MPPED1: variants seen among roughly 807,000 people sequenced by gnomAD.
MPPED1 encodes metallophosphoesterase domain containing 1.
Under a neutral mutation model 36.2 loss-of-function variants are expected in MPPED1, and 16 were observed. The ratio of observed to expected loss-of-function variants is 0.44; its 90% CI spans 0.30 to 0.67. The LOEUF (loss-of-function observed/expected upper bound fraction) is 0.67, where lower values mean the gene tolerates loss of function less well. Ranked by LOEUF, MPPED1 falls within the 30% of genes least tolerant of loss-of-function variation. MPPED1 has a pLI of 0.10. For missense variants in MPPED1, 307 were observed against 453.4 expected (o/e 0.68, Z 2.93); for synonymous variants, 199 against 191.3 (o/e 1.04, Z -0.33).
In MPPED1 at chr22:43,425,215, T is replaced by G. The variant is rs1601947605; in HGVS notation, c.224+6T>G. 1.5e-5 allele frequency: 16 copies of G among 1,064,190 alleles called. No homozygotes were observed. Among genetic ancestry groups the G allele is most frequent in the African/African-American group, 5.1e-5 (3 of 58,412 alleles). The allele number at this position is 1,064,190 out of a possible 1,614,324, so 65.9% of individuals were successfully genotyped here. A position where few individuals can be genotyped will look rare whatever the true frequency, so the allele number is the denominator to read the frequency against. ...CAGCCACCGCATGTGCAGATGTAAG[T>G]GGGACCGGTGGGGTGGGGGTGGGGG... On this transcript the variant is annotated splice_donor_region_variant and intron_variant, in intron 2 of 6. Coordinates refer to ENST00000443721, the MANE Select transcript of MPPED1 (RefSeq NM_001044370.2).
Position 43,498,365 on chromosome 22 carries a change from G to T in MPPED1, c.748+15G>T. 2.0e-6 allele frequency: 3 copies of T among 1,528,858 alleles called. No individual in the cohort carries two copies. Among genetic ancestry groups the T allele is most frequent in the African/African-American group, 2.7e-5 (2 of 72,974 alleles). The allele number at this position is 1,528,858 out of a possible 1,614,324, so 94.7% of individuals were successfully genotyped here. The stretch of plus-strand genomic sequence containing the variant: ...ACCACCACTGGGTAAGGCTCTGCTG[G>T]CCTGGCCCTCCAGCTCGCCCATCTG... On this transcript the variant is annotated intron_variant, in intron 5 of 6. Transcript: ENST00000443721.
chr22:43,440,724 A>G (rs1185369682), intron 3 of MPPED1, among the ~76,000 whole-genome samples: 1 of 151,616 alleles, frequency 6.6e-6, no homozygotes, highest in East Asian at 1.9e-4. Flanking sequence ...CACAGCCCTC[A>G]CTTCACCCCT....
At chr22:43,499,942 T>TGATGGG (rs1932605200) in intron 5 of MPPED1, among the ~76,000 whole-genome samples, 1 of 110,550 alleles carries the variant, frequency 9.0e-6, no homozygotes, top group Non-Finnish European at 1.8e-5. Flanking sequence ...GTGGAGGTGG[T>TGATGGG]GGTGGTGGTG....
intron 3 of MPPED1, among the ~76,000 whole-genome samples, chr22:43,437,593 T>G (rs571828594): frequency 6.6e-6 from 1 of 152,148 alleles, no homozygotes; most frequent in East Asian, 1.9e-4. Flanking sequence ...GAAGTAAGGG[T>G]GTAGGCGATG....
At chr22:43,476,492 G>A (rs943078203) in intron 4 of MPPED1, among the ~76,000 whole-genome samples, 1 of 152,168 alleles carries the variant, frequency 6.6e-6, no homozygotes, top group Non-Finnish European at 1.5e-5. Flanking sequence ...CTGGGTGGAA[G>A]GACTTCAGAG....
chr22:43,501,054 G>A (rs979740962), intron 5 of MPPED1, among the ~76,000 whole-genome samples: 2 of 152,118 alleles, frequency 1.3e-5, no homozygotes, highest in Admixed American at 1.3e-4. Context: ...CAGCCAGTGC[G>A]CCACGGCCCC....
chr22:43,413,330 G>A (rs1928971010), intron 1 of MPPED1, among the ~76,000 whole-genome samples: 2 of 152,142 alleles, frequency 1.3e-5, no homozygotes, highest in South Asian at 4.2e-4. Flanking sequence ...GCCGGGGGGC[G>A]GGGGCGGGTC....
chr22:43,497,935 G>GTATGTATATATATATATATA lies in MPPED1; in HGVS notation c.633-297_633-296insGTATATATATATATATATAT, dbSNP rs1932480800. Among the ~76,000 whole-genome samples the GTATGTATATATATATATATA allele has an allele frequency of 3.9e-5, 5 of 128,364 alleles. No individual in the cohort carries two copies. In the South Asian group the frequency reaches 9.5e-4, roughly 24 times the overall value. 84.2% of individuals were successfully genotyped at this position (128,364 alleles called of 152,430 possible). A position where few individuals can be genotyped will look rare whatever the true frequency, so the allele number is the denominator to read the frequency against. On this transcript the variant is annotated intron_variant, in intron 4 of 6. Transcript: ENST00000443721. ...AAGAAGCTGATATATATATGTATAT[G>GTATGTATATATATATATATA]TATATATATATATGTATTTAGCTTT... is the stretch of plus-strand genomic sequence containing the variant.
chr22:43,500,801 A>G (rs1346902892), intron 5 of MPPED1, among the ~76,000 whole-genome samples: 1 of 152,010 alleles, frequency 6.6e-6, no homozygotes, highest in Non-Finnish European at 1.5e-5. Context: ...CGTGGGACAC[A>G]TTCGGGGGTG....
intron 4 of MPPED1, among the ~76,000 whole-genome samples, chr22:43,484,599 G>A (rs1931852050): frequency 6.6e-6 from 1 of 152,220 alleles, no homozygotes; most frequent in Non-Finnish European, 1.5e-5. Flanking sequence ...ACAGGGCCCT[G>A]GATGGTGAAA....
intron 2 of MPPED1, among the ~76,000 whole-genome samples, chr22:43,428,617 C>G (rs1046104226): frequency 6.6e-6 from 1 of 152,134 alleles, no homozygotes; most frequent in Non-Finnish European, 1.5e-5. Context: ...AGCGATGGAG[C>G]CTTATTTAAT....
intron 2 of MPPED1, among the ~76,000 whole-genome samples, chr22:43,432,892 A>AGG (rs1929805369): frequency 1.4e-5 from 1 of 73,696 alleles, no homozygotes. Context: ...AGAGAAAGGG[A>AGG]GGAGAGAGAG....
intron 3 of MPPED1, among the ~76,000 whole-genome samples, chr22:43,439,017 T>C (rs1930058050): frequency 6.6e-6 from 1 of 152,214 alleles, no homozygotes; most frequent in South Asian, 2.1e-4. Flanking sequence ...GGGAGCCACC[T>C]CCAGACAGAC....
intron 3 of MPPED1, among the ~76,000 whole-genome samples, chr22:43,460,925 G>A (rs1930936283): frequency 6.6e-6 from 1 of 152,174 alleles, no homozygotes; most frequent in African/African-American, 2.4e-5. Context: ...TTCATTTTAA[G>A]TTTCTTGGTT....
chr22:43,418,316 T>A (rs540574752), intron 1 of MPPED1: 20 of 356,966 alleles, frequency 5.6e-5, no homozygotes, highest in Non-Finnish European at 9.5e-5. Context: ...ATGCTTCAAG[T>A]CACACGGTGA....
intron 4 of MPPED1, among the ~76,000 whole-genome samples, chr22:43,476,852 C>T (rs550042571): frequency 2.0e-5 from 3 of 152,144 alleles, no homozygotes; most frequent in South Asian, 4.2e-4. Flanking sequence ...TCTGCCTCAC[C>T]GGCCACTAGA....
rs1002140728 is a variant in MPPED1 at position 43,457,497 on chromosome 22, T to A, written c.407-17239T>A. Among the ~76,000 whole-genome samples, 3 of 152,158 alleles carry A rather than the reference T, an allele frequency of 2.0e-5. No homozygotes were observed. The East Asian group carries it at 5.8e-4, about 29-fold the overall frequency. On this transcript the variant is annotated intron_variant, in intron 3 of 6. Transcript: ENST00000443721. Reference sequence around the variant, plus strand: ...TTCTTTTGACTGTACTGTTTAAGCATGTTATGTTTAATATAACTACTGACA... The same window carrying A: ...TTCTTTTGACTGTACTGTTTAAGCAAGTTATGTTTAATATAACTACTGACA...
Position 43,437,810 on chromosome 22 carries a change from G to A in MPPED1, c.406+2595G>A, listed in dbSNP as rs371658675. ...GTTATGATTGCCCCCATGAACTGGC[G>A]TCTACCAGATCTGGGCTCCCCTGGG... On this transcript the variant is annotated intron_variant, in intron 3 of 6. Transcript: ENST00000443721. Among the ~76,000 whole-genome samples, 19 of 152,264 alleles carry A rather than the reference G, an allele frequency of 1.2e-4. No homozygotes were observed. In the East Asian group the frequency reaches 1.7e-3, roughly 14 times the overall value.
chr22:43,421,787 A>G (rs1002238887), intron 1 of MPPED1, among the ~76,000 whole-genome samples: 7 of 152,220 alleles, frequency 4.6e-5, no homozygotes, highest in African/African-American at 1.7e-4. Context: ...AGTATTTGTG[A>G]TAGGCCGTGG....
Sources: allele counts gnomAD v4.1 joint callset (sites outside exome capture counted in the v4.1 genomes callset), GRCh38; gene constraint gnomAD v4.1.1; transcripts MANE v1.5; gene names NCBI Gene and HGNC (gene_info 2026-07-23, HGNC 2026-07-21).